RUNX2: variants seen among roughly 807,000 people sequenced by gnomAD.
RUNX2 encodes runt-related transcription factor 2.
In RUNX2, 10 loss-of-function variants were observed where a neutral mutation model predicts 51.7. The ratio of observed to expected loss-of-function variants is 0.19; its 90% CI spans 0.12 to 0.33. RUNX2 has a LOEUF of 0.33. RUNX2 is among the 10% of genes least tolerant of loss of function. The pLI is 1.00. For missense variants in RUNX2, 562 were observed against 691.3 expected (o/e 0.81, Z 2.10); for synonymous variants, 276 against 273.6 (o/e 1.01, Z -0.09).
At chr6:45,372,559 T>G (rs1305287932) in intron 2 of RUNX2, among the ~76,000 whole-genome samples, 4 of 152,236 alleles carry the variant, frequency 2.6e-5, no homozygotes, top group Non-Finnish European at 4.4e-5. Flanking sequence ...TTGTATGTTA[T>G]TTTAGTTTAT....
chr6:45,424,806 G>T (rs1026582436), intron 3 of RUNX2, among the ~76,000 whole-genome samples: 1 of 152,168 alleles, frequency 6.6e-6, no homozygotes, highest in Admixed American at 6.5e-5. Context: ...GTTTCATTTT[G>T]CAGTTGGCTC....
intron 3 of RUNX2, among the ~76,000 whole-genome samples, 185 bp from the exon 4 acceptor site, chr6:45,431,678 G>A (rs562239663): frequency 6.6e-6 from 1 of 152,324 alleles, no homozygotes; most frequent in East Asian, 1.9e-4. Context: ...GGTGGACCCT[G>A]AAACATTGGT....
chr6:45,328,982 T>C (rs1293893385), intron 2 of RUNX2, among the ~76,000 whole-genome samples, 198 bp downstream of exon 2: 1 of 152,018 alleles, frequency 6.6e-6, no homozygotes, highest in East Asian at 1.9e-4. Context: ...ATTTTCAAAG[T>C]AATGACTTGA....
intron 2 of RUNX2, among the ~76,000 whole-genome samples, chr6:45,410,644 C>A (rs1233464207): frequency 1.3e-5 from 2 of 152,076 alleles, no homozygotes; most frequent in African/African-American, 4.8e-5. Flanking sequence ...CTTCTTCAAT[C>A]GTGTGGTTCC....
chr6:45,515,096 T>A (rs1022273203), intron 7 of RUNX2, among the ~76,000 whole-genome samples: 3 of 152,210 alleles, frequency 2.0e-5, no homozygotes, highest in African/African-American at 7.2e-5. Flanking sequence ...TTACAGGCAG[T>A]CCTGTGGTCT....
intron 2 of RUNX2, among the ~76,000 whole-genome samples, chr6:45,383,651 T>G (rs1427556366): frequency 6.6e-6 from 1 of 152,146 alleles, no homozygotes; most frequent in Admixed American, 6.5e-5. Context: ...GGTCTATTAA[T>G]CCATGAAAGT....
chr6:45,408,958 A>G (rs887148744), intron 2 of RUNX2, among the ~76,000 whole-genome samples: 1 of 152,214 alleles, frequency 6.6e-6, no homozygotes, highest in Non-Finnish European at 1.5e-5. Flanking sequence ...TGCCTGATAT[A>G]TGTTTACTGT....
At chr6:45,421,399 C>CAA (rs1798183977) in intron 2 of RUNX2, 2 of 148,684 alleles carry the variant, frequency 1.3e-5, no homozygotes, top group Non-Finnish European at 3.0e-5. Flanking sequence ...TCTCCCTCCA[C>CAA]CCCCCCTCCT....
At chr6:45,429,553 C>T (rs182290421) in intron 3 of RUNX2, among the ~76,000 whole-genome samples, 153 of 152,266 alleles carry the variant, frequency 1.0e-3, no homozygotes, top group African/African-American at 3.6e-3. Flanking sequence ...AGGGATTTTA[C>T]TTTTGATCCA....
At chr6:45,385,423 C>G (rs1010250274) in intron 2 of RUNX2, among the ~76,000 whole-genome samples, 1 of 152,206 alleles carries the variant, frequency 6.6e-6, no homozygotes, top group African/African-American at 2.4e-5. Flanking sequence ...GAGCTGCCAT[C>G]TGTCCTTATT....
intron 2 of RUNX2, among the ~76,000 whole-genome samples, chr6:45,415,122 T>C (rs1454091781): frequency 1.3e-5 from 2 of 152,138 alleles, no homozygotes; most frequent in Non-Finnish European, 2.9e-5. Context: ...AATAGGCATG[T>C]CTTGGGGATC....
At chr6:45,532,905 C>CTTTTTTT (rs10706582) in intron 7 of RUNX2, among the ~76,000 whole-genome samples, 1 of 125,880 alleles carries the variant, frequency 7.9e-6, no homozygotes. Flanking sequence ...AGACCGGGCT[C>CTTTTTTT]TTTTTTTTTT....
At chr6:45,399,637 C>T (rs139739903) in intron 2 of RUNX2, among the ~76,000 whole-genome samples, 178 of 152,004 alleles carry the variant, frequency 1.2e-3, no homozygotes, top group African/African-American at 4.1e-3. Flanking sequence ...GGATTACAGG[C>T]GTGAGCCACC....
At chr6:45,524,070 C>T (rs1027313465) in intron 7 of RUNX2, among the ~76,000 whole-genome samples, 3 of 152,116 alleles carry the variant, frequency 2.0e-5, no homozygotes, top group African/African-American at 7.2e-5. Flanking sequence ...TTGTGGACAA[C>T]ACTTTGTTTC....
intron 2 of RUNX2, among the ~76,000 whole-genome samples, chr6:45,350,069 T>A (rs1791701699): frequency 6.6e-6 from 1 of 152,212 alleles, no homozygotes; most frequent in Admixed American, 6.5e-5. Flanking sequence ...AAAGTTTTTA[T>A]ACACAAAACT....
intron 6 of RUNX2, among the ~76,000 whole-genome samples, chr6:45,510,935 A>G (rs1031508975): frequency 6.6e-6 from 1 of 152,286 alleles, no homozygotes; most frequent in East Asian, 1.9e-4. Context: ...CCAAGGTTAC[A>G]CAGAAAGAAG....
At chr6:45,508,419 G>C (rs556761472) in intron 6 of RUNX2, among the ~76,000 whole-genome samples, 19 of 152,046 alleles carry the variant, frequency 1.2e-4, no homozygotes, top group African/African-American at 4.6e-4. Context: ...GTAGAGACAG[G>C]CTTTCTCCAT....
chr6:45,420,832 G>C (rs1199764500), intron 2 of RUNX2, among the ~76,000 whole-genome samples: 1 of 152,162 alleles, frequency 6.6e-6, no homozygotes, highest in Non-Finnish European at 1.5e-5. Context: ...TTTGAGGCTG[G>C]TCGTAGACAC....
At chr6:45,479,223 T>A (rs1800042551) in intron 5 of RUNX2, among the ~76,000 whole-genome samples, 2 of 152,192 alleles carry the variant, frequency 1.3e-5, no homozygotes, top group Admixed American at 6.5e-5. Context: ...ATGATAATAT[T>A]CTTTCAGGGA....
Sources: gnomAD v4.1 joint callset for allele counts (sites outside exome capture counted in the v4.1 genomes callset) on GRCh38, gnomAD v4.1.1 for gene constraint, MANE v1.5 for transcripts, NCBI Gene and HGNC (gene_info 2026-07-23, HGNC 2026-07-21) for gene names.